Variants in GUCY1A2 observed in about 807,000 individuals in gnomAD.
The protein encoded by GUCY1A2 is guanylate cyclase soluble subunit alpha-2.
In GUCY1A2, 27 loss-of-function variants were observed where a neutral mutation model predicts 63.5. That is an observed-to-expected ratio of 0.43 (90% confidence interval 0.31 to 0.59). The LOEUF is 0.59. Among genes scored for constraint, GUCY1A2 ranks in the 20% least tolerant of loss-of-function variants. The pLI is 0.11. For missense variants in GUCY1A2, 768 were observed against 913.3 expected (o/e 0.84, Z 2.05); for synonymous variants, 364 against 343.5 (o/e 1.06, Z -0.66).
intron 4 of GUCY1A2, among the ~76,000 whole-genome samples, chr11:106,878,429 T>C (rs1409326442): frequency 6.6e-6 from 1 of 152,076 alleles, no homozygotes; most frequent in African/African-American, 2.4e-5. Flanking sequence ...ATATATACCA[T>C]AGAATACCAT....
intron 4 of GUCY1A2, among the ~76,000 whole-genome samples, chr11:106,861,038 C>T (rs571129174): frequency 6.6e-6 from 1 of 151,978 alleles, no homozygotes; most frequent in East Asian, 1.9e-4. Context: ...AGGAAGGAGG[C>T]AACTTCCTTC....
At position 106,679,782 on chromosome 11, in the gene GUCY1A2, T is replaced by C. The variant is rs1228328431; in HGVS notation, c.*7767A>G. 1 of 218,168 alleles carries C rather than the reference T, an allele frequency of 4.6e-6. No individual in the cohort carries two copies. Among genetic ancestry groups the C allele is most frequent in the Non-Finnish European group, 9.2e-6 (1 of 108,624 alleles). The allele number at this position is 218,168 out of a possible 1,614,324, so 13.5% of individuals were successfully genotyped here. ...CTTCTTTGTTCCTTCAACCCAGATG[T>C]TCTGACACTTTCATTTACCTTAATC... On this transcript the variant is annotated 3_prime_UTR_variant, in exon 8 of 8. Coordinates refer to ENST00000526355, the MANE Select transcript of GUCY1A2 (RefSeq NM_000855.3).
intron 5 of GUCY1A2, among the ~76,000 whole-genome samples, chr11:106,803,645 C>T (rs1488545614): frequency 2.0e-5 from 3 of 152,070 alleles, no homozygotes; most frequent in African/African-American, 4.8e-5. Flanking sequence ...CTGTTTTAAG[C>T]ACTTTACATA....
intron 5 of GUCY1A2, among the ~76,000 whole-genome samples, chr11:106,778,900 A>G (rs1392854372): frequency 6.6e-6 from 1 of 151,382 alleles, no homozygotes; most frequent in Non-Finnish European, 1.5e-5. Context: ...TCTGTATAGG[A>G]AAAATATGCG....
intron 4 of GUCY1A2, among the ~76,000 whole-genome samples, chr11:106,896,143 AAGC>A (rs144408547): frequency 3.9e-5 from 6 of 152,052 alleles, no homozygotes; most frequent in African/African-American, 1.4e-4. Flanking sequence ...TATTTTTCTC[AAGC>A]ATGCAAGTCT....
rs375270113 is a variant in GUCY1A2 at position 106,900,579 on chromosome 11, G to GTA, written c.1206+38880_1206+38881insTA. 3.9e-3 allele frequency among the ~76,000 whole-genome samples: 595 copies of GTA among 152,316 alleles called. 7 individuals are homozygous for GTA. The highest frequency in any genetic ancestry group is 0.014 in the African/African-American group (579 of 41,574). On this transcript the variant is annotated intron_variant, in intron 4 of 7. Transcript: ENST00000526355. ...CAGTAAATCTGAATAAGACTCGTGT[G>GTA]TTTCTAATGATAAGCTTCCTTTTCT...
Position 106,940,112 on chromosome 11 carries a change from T to A in GUCY1A2, c.554A>T (p.Asn185Ile). The A allele has an allele frequency of 1.9e-6, 3 of 1,612,978 alleles. No individual in the cohort carries two copies. Among genetic ancestry groups the A allele is most frequent in the Non-Finnish European group, 2.5e-6 (3 of 1,179,054 alleles). Residue 185 changes from asparagine to isoleucine, a missense_variant, in exon 4 of 8, where the codon AAT becomes ATT. Coordinates refer to ENST00000526355, the MANE Select transcript of GUCY1A2 (RefSeq NM_000855.3). ...EEFFNICFHENERVLRAVGGT... is the reference protein window; with the variant it reads ...EEFFNICFHEIERVLRAVGGT... ...ACCTACAGCTCGAAGGACTCTCTCA[T>A]TCTCATGAAAGCATATATTAAAGAA...
chr11:106,798,147 T>C (rs2135416847), intron 5 of GUCY1A2, among the ~76,000 whole-genome samples: 1 of 152,042 alleles, frequency 6.6e-6, no homozygotes, highest in East Asian at 1.9e-4. Flanking sequence ...TCTACGCAAA[T>C]AAACTAGAAA....
intron 4 of GUCY1A2, among the ~76,000 whole-genome samples, chr11:106,842,836 A>C (rs1859219138): frequency 6.6e-6 from 1 of 151,904 alleles, no homozygotes. Context: ...GAGATTCTGT[A>C]TCCCTAACCA....
intron 4 of GUCY1A2, chr11:106,827,713 A>G (rs1388006612): frequency 6.5e-7 from 1 of 1,542,990 alleles, no homozygotes; most frequent in East Asian, 2.2e-5. Flanking sequence ...AATTCTTCCA[A>G]TATTTTAGAA....
chr11:106,687,781 G>C (rs756599362), intron 7 of GUCY1A2, 25 bp from the exon 8 acceptor site: 20 of 1,459,580 alleles, frequency 1.4e-5, no homozygotes, highest in Middle Eastern at 1.7e-4. Context: ...CAGAGCACAT[G>C]AATCAAGTAG....
intron 4 of GUCY1A2, among the ~76,000 whole-genome samples, chr11:106,824,374 C>T (rs1858940009): frequency 6.6e-6 from 1 of 152,132 alleles, no homozygotes; most frequent in Non-Finnish European, 1.5e-5. Flanking sequence ...TTAGACTGGC[C>T]TTTTAACATA....
rs559743680 is a variant in GUCY1A2, at chr11:106,919,163, T to C, written c.1206+20297A>G. Among the ~76,000 whole-genome samples, 8 of 152,298 alleles carry C rather than the reference T, an allele frequency of 5.3e-5. No homozygotes were observed. In the South Asian group the frequency reaches 1.4e-3, roughly 28 times the overall value. ...AAACAAGCGTGATTATATATTGTTA[T>C]GTTTGCTCATGTTTTTTGTCCAATG... On this transcript the variant is annotated intron_variant, in intron 4 of 7. Coordinates refer to ENST00000526355, the MANE Select transcript of GUCY1A2 (RefSeq NM_000855.3).
At chr11:106,844,806 A>T (rs1304774146) in intron 4 of GUCY1A2, among the ~76,000 whole-genome samples, 2 of 151,744 alleles carry the variant, frequency 1.3e-5, no homozygotes, top group Non-Finnish European at 2.9e-5. Context: ...TTATGCTATA[A>T]ATGATGAGTT....
intron 6 of GUCY1A2, among the ~76,000 whole-genome samples, chr11:106,766,787 A>G (rs1471121075): frequency 6.6e-6 from 1 of 152,038 alleles, no homozygotes; most frequent in Admixed American, 6.6e-5. Context: ...CTATATGCAT[A>G]TAGGCTTAAA....
intron 3 of GUCY1A2, among the ~76,000 whole-genome samples, chr11:106,971,634 T>C (rs1861195930): frequency 6.6e-6 from 1 of 152,094 alleles, no homozygotes; most frequent in African/African-American, 2.4e-5. Context: ...GTTGGAGACA[T>C]CAGTATTAAC....
Position 106,708,620 on chromosome 11 carries a change from C to A in GUCY1A2, c.1883G>T (p.Gly628Val). ...HSGSVLAGVVGVRMPRYCLFG... is the reference protein window; with the variant it reads ...HSGSVLAGVVVVRMPRYCLFG... ...CAGGCAATAACGTGGCATTCGCACC[C>A]CAACAACTCCAGCCAGCACGGAGCC... Residue 628 changes from glycine (G) to valine (V), a missense_variant, in exon 7 of 8, where the codon GGG (glycine) becomes GTG (valine). Around this residue, in one of 3 missense-constraint regions of GUCY1A2, gnomAD observed 150 missense variants for 188.3 expected, o/e 0.80. Transcript: ENST00000526355. 1 of 1,612,072 alleles carries A rather than the reference C, an allele frequency of 6.2e-7. No homozygotes were observed. The highest frequency in any genetic ancestry group is 8.5e-7 in the Non-Finnish European group (1 of 1,178,934).
chr11:106,964,383 C>T (rs1384906253), intron 3 of GUCY1A2, among the ~76,000 whole-genome samples: 1 of 152,178 alleles, frequency 6.6e-6, no homozygotes, highest in East Asian at 1.9e-4. Context: ...GGCCTTCCTG[C>T]TGTGGTTACA....
Position 106,675,228 on chromosome 11 carries a change from G to A in GUCY1A2, c.*12321C>T, listed in dbSNP as rs1862324996. The A allele has an allele frequency of 5.2e-6, 1 of 193,898 alleles. No homozygotes were observed. Among genetic ancestry groups the A allele is most frequent in the Admixed American group, 6.1e-5 (1 of 16,276 alleles). 12.0% of individuals were successfully genotyped at this position (193,898 alleles called of 1,614,324 possible). ...AGTTATAATGTAGCTACAGGCAGCT[G>A]TTATAAAACTTCTTTTTCGAAGGCA... On this transcript the variant is annotated 3_prime_UTR_variant, in exon 8 of 8. Transcript: ENST00000526355.
Sources: allele counts gnomAD v4.1 joint callset (sites outside exome capture counted in the v4.1 genomes callset), GRCh38; gene constraint gnomAD v4.1.1; regional missense constraint gnomAD v4.1.1; transcripts MANE v1.5; gene names NCBI Gene and HGNC (gene_info 2026-07-23, HGNC 2026-07-21).